Variants in FAM163A observed in about 807,000 individuals in gnomAD.
FAM163A encodes protein FAM163A.
FAM163A carries 7 observed loss-of-function variants against 12.0 expected under a neutral mutation model. The ratio of observed to expected loss-of-function variants is 0.58; its 90% CI spans 0.33 to 1.10. The LOEUF is 1.10. Ranked by LOEUF, FAM163A falls within the 50% of genes least tolerant of loss-of-function variation. The pLI, the probability that FAM163A is intolerant of heterozygous loss-of-function variation, is 0.03. For missense variants in FAM163A, 202 were observed against 218.6 expected (o/e 0.92, Z 0.48); for synonymous variants, 101 against 91.0 (o/e 1.11, Z -0.62).
At position 179,744,607 on chromosome 1, in the gene FAM163A, G is replaced by A. The variant is rs535364191; in HGVS notation, c.-136+1184G>A. Among the ~76,000 whole-genome samples the A allele has an allele frequency of 9.2e-5, 14 of 152,326 alleles. No homozygotes were observed. In the East Asian group the frequency reaches 2.7e-3, roughly 29 times the overall value. ...CACACTGGGGGTTCCTTTCCTCTGA[G>A]TGGAACTGTGGGGCCCTGGAAGTTT... On this transcript the variant is annotated intron_variant, in intron 1 of 4. Transcript: ENST00000341785.
intron 4 of FAM163A, 82 bp from the exon 5 acceptor site, chr1:179,813,696 CA>C: frequency 6.7e-7 from 1 of 1,501,200 alleles, no homozygotes; most frequent in Non-Finnish European, 9.1e-7. Context: ...GAGCAGGGGA[CA>C]GGGGCACCTG....
chr1:179,797,776 T>G (rs1692550947), intron 1 of FAM163A, among the ~76,000 whole-genome samples: 1 of 152,204 alleles, frequency 6.6e-6, no homozygotes, highest in Non-Finnish European at 1.5e-5. Context: ...CTCAGAATAC[T>G]GATTCTAATA....
intron 1 of FAM163A, among the ~76,000 whole-genome samples, chr1:179,788,956 G>A (rs1233502723): frequency 6.6e-6 from 1 of 152,174 alleles, no homozygotes; most frequent in East Asian, 1.9e-4. Context: ...GCCCACCAGT[G>A]TTCCCTTAAA....
the FAM163A span, among the ~76,000 whole-genome samples, chr1:179,734,963 G>A: frequency 6.6e-6 from 1 of 152,108 alleles, no homozygotes; most frequent in African/African-American, 2.4e-5. Flanking sequence ...TATGTGATGT[G>A]GCCTCTGTCT....
intron 1 of FAM163A, among the ~76,000 whole-genome samples, chr1:179,781,423 A>G (rs891110597): frequency 6.6e-5 from 10 of 151,918 alleles, no homozygotes; most frequent in African/African-American, 2.4e-4. Context: ...TGGGGCACGT[A>G]TTAGATCCTC....
intron 1 of FAM163A, among the ~76,000 whole-genome samples, chr1:179,745,892 C>T (rs1455180761): frequency 2.6e-5 from 4 of 152,174 alleles, no homozygotes; most frequent in Admixed American, 1.3e-4. Flanking sequence ...AACAGACACA[C>T]ATGTGGTAGC....
chr1:179,790,535 C>G (rs115574165), intron 1 of FAM163A, among the ~76,000 whole-genome samples: 1 of 152,106 alleles, frequency 6.6e-6, no homozygotes, highest in East Asian at 1.9e-4. Context: ...GGATAAACGA[C>G]GAGTTGGTTC....
chr1:179,807,008 G>A (rs567994082), intron 1 of FAM163A, among the ~76,000 whole-genome samples: 3 of 152,006 alleles, frequency 2.0e-5, no homozygotes, highest in East Asian at 3.9e-4. Flanking sequence ...AGGCTGAGGC[G>A]GGAGAATAGC....
chr1:179,771,007 T>C (rs749839625), intron 1 of FAM163A, among the ~76,000 whole-genome samples: 1 of 152,226 alleles, frequency 6.6e-6, no homozygotes, highest in Non-Finnish European at 1.5e-5. Context: ...TGATTATCAC[T>C]GAAGGAAGTT....
the FAM163A span, among the ~76,000 whole-genome samples, chr1:179,733,376 T>C: frequency 3.3e-5 from 5 of 152,156 alleles, no homozygotes; most frequent in Non-Finnish European, 7.3e-5. Flanking sequence ...ATTAAATAAT[T>C]CCTGGTTCCC....
chr1:179,766,103 T>C (rs180885700), intron 1 of FAM163A, among the ~76,000 whole-genome samples: 150 of 152,220 alleles, frequency 9.9e-4, no homozygotes, highest in African/African-American at 3.4e-3. Context: ...AAGCACAAGT[T>C]TTTCTCTGAC....
intron 1 of FAM163A, among the ~76,000 whole-genome samples, chr1:179,774,947 G>T (rs1245126330): frequency 6.6e-6 from 1 of 152,166 alleles, no homozygotes; most frequent in Non-Finnish European, 1.5e-5. Context: ...CCAGGTTCTT[G>T]ACGTTTTGAA....
rs192013156 is a variant in FAM163A, at chr1:179,815,999, G to A, written c.*1810G>A. On this transcript the variant is annotated 3_prime_UTR_variant, in exon 5 of 5. Transcript: ENST00000341785. ...GAGACTCCATTTTCTCCAGGGAAAC[G>A]AGGCTTGCCCAGATAGACTAACAAC... is the stretch of plus-strand genomic sequence containing the variant. 1 of 152,182 alleles carries A rather than the reference G, an allele frequency of 6.6e-6. No individual in the cohort carries two copies. The highest frequency in any genetic ancestry group is 2.4e-5 in the African/African-American group (1 of 41,406). The allele number at this position is 152,182 out of a possible 1,614,324, so 9.4% of individuals were successfully genotyped here.
chr1:179,783,770 TTATA>T (rs540238314), intron 1 of FAM163A, among the ~76,000 whole-genome samples: 7 of 144,822 alleles, frequency 4.8e-5, no homozygotes, highest in Admixed American at 1.4e-4. Context: ...ATATAATTTA[TTATA>T]TATATATTAT....
chr1:179,737,887 G>A, the FAM163A span, among the ~76,000 whole-genome samples: 1 of 152,256 alleles, frequency 6.6e-6, no homozygotes, highest in Admixed American at 6.5e-5. Context: ...ACTTTTAGAG[G>A]TGATGCCTAT....
At chr1:179,782,134 C>T (rs1046039945) in intron 1 of FAM163A, among the ~76,000 whole-genome samples, 3 of 152,082 alleles carry the variant, frequency 2.0e-5, no homozygotes, top group African/African-American at 4.8e-5. Context: ...GCGAAATGAT[C>T]TCACGGGCCG....
chr1:179,803,500 T>C (rs1382370870), intron 1 of FAM163A, among the ~76,000 whole-genome samples: 1 of 152,228 alleles, frequency 6.6e-6, no homozygotes, highest in Admixed American at 6.5e-5. Flanking sequence ...CAGCACATTC[T>C]ATCAGGGTGG....
rs1204260567 is a variant in FAM163A at position 179,803,824 on chromosome 1, C to T, written c.-135-3974C>T. 4.6e-5 allele frequency: 7 copies of T among 152,066 alleles called. 1 individual carries two copies. The highest frequency in any genetic ancestry group is 1.7e-4 in the African/African-American group (7 of 41,412). The allele number at this position is 152,066 out of a possible 1,614,324, so 9.4% of individuals were successfully genotyped here. A position where few individuals can be genotyped will look rare whatever the true frequency, so the allele number is the denominator to read the frequency against. On this transcript the variant is annotated intron_variant, in intron 1 of 4. Transcript: ENST00000341785. ...CCTCATGATCCACCCGCCTCGGCCT[C>T]CCAAAGTGTTAGGATTACAGGCATG...
intron 1 of FAM163A, among the ~76,000 whole-genome samples, chr1:179,789,262 A>G (rs1455059955): frequency 3.3e-5 from 5 of 151,982 alleles, no homozygotes; most frequent in Non-Finnish European, 2.9e-5. Context: ...GCTCACTGCA[A>G]CCTCCACCTC....
Sources: allele counts gnomAD v4.1 joint callset (sites outside exome capture counted in the v4.1 genomes callset), GRCh38; gene constraint gnomAD v4.1.1; transcripts MANE v1.5; gene names NCBI Gene and HGNC (gene_info 2026-07-23, HGNC 2026-07-21).